SERINC3: variants seen among roughly 807,000 people sequenced by gnomAD.
SERINC3 encodes tumor differentially expressed protein 1.
Under a neutral mutation model 52.1 loss-of-function variants are expected in SERINC3, and 22 were observed. That is an observed-to-expected ratio of 0.42 (90% CI 0.30 to 0.60). SERINC3 has a LOEUF of 0.60. SERINC3 is among the 20% of genes least tolerant of loss of function. The probability of loss-of-function intolerance (pLI) is 0.16; values close to 1 mark genes in which losing one functional copy is unlikely to be tolerated. For synonymous variants in SERINC3, 226 were observed against 212.7 expected (o/e 1.06, Z -0.54); for missense variants, 564 against 584.6 (o/e 0.96, Z 0.36).
In SERINC3 at chr20:44,501,218, T is replaced by C; in HGVS notation, c.1138A>G (p.Ser380Gly). 1 of 1,614,152 alleles carries C rather than the reference T, an allele frequency of 6.2e-7. No homozygotes were observed. Among genetic ancestry groups the C allele is most frequent in the African/African-American group, 1.3e-5 (1 of 75,038 alleles). The change falls in exon 9 of 10, where the codon AGT becomes GGT. Residue 380 changes from serine (S) to glycine (G), a missense_variant. By Grantham distance (56) the Ser-to-Gly change is moderately conservative. Transcript: ENST00000342374. ...CCATCTTCTTCATCACTGGCACCAC[T>C]GGTAGTTGTATCACCAAGGATGACG... Reference protein sequence around the residue: ...DSVILGDTTTSGASDEEDGQP... With the variant: ...DSVILGDTTTGGASDEEDGQP...
rs1458326200 is a variant in SERINC3, at chr20:44,515,781, G to GAA, written c.40-1742_40-1741insTT. On this transcript the variant is annotated intron_variant, in intron 1 of 9. Transcript: ENST00000342374. ...TTCTTGTGCTTTAGCCTCCCAAGTA[G>GAA]CTGGGACTACAGGTGTGCAATGCCA... 5.6e-3 allele frequency among the ~76,000 whole-genome samples: 849 copies of GAA among 151,814 alleles called. 6 individuals carry two copies. Among genetic ancestry groups the GAA allele is most frequent in the African/African-American group, 0.02 (825 of 41,388 alleles).
rs1293844999 is a variant in SERINC3 at position 44,506,948 on chromosome 20, A to G, written c.662T>C (p.Val221Ala). The change falls in exon 6 of 10, where the codon GTC becomes GCC. Residue 221 changes from valine (V) to alanine (A), a missense_variant. Val to Ala is a moderately conservative substitution (Grantham distance 64). Coordinates refer to ENST00000342374, the MANE Select transcript of SERINC3 (RefSeq NM_006811.4). ...GGTGTAATATGTATAGAGCAGCCCG[A>G]CACAGATGATTGACAGGATATAAAA... ...SAFYILSIIC[V>A]GLLYTYYTKP... 6.2e-7 allele frequency: 1 copy of G among 1,609,902 alleles called. No individual in the cohort carries two copies. The highest frequency in any genetic ancestry group is 8.5e-7 in the Non-Finnish European group (1 of 1,178,780).
At position 44,503,892 on chromosome 20, in the gene SERINC3, T is replaced by C. The variant is rs144405312; in HGVS notation, c.978A>G (p.Pro326=). ...AATCCAGTAAAGACCCACTCTTTGA[T>C]GGTGGAGTAGGGGTAGGGACCACAG... The part of the protein sequence containing the change: ...STAVVPTPTP[P]SKSGSLLDSD... The change falls in exon 8 of 10, where the codon CCA becomes CCG. Residue 326 remains proline, a synonymous_variant. Coordinates refer to ENST00000342374, the MANE Select transcript of SERINC3 (RefSeq NM_006811.4). 13 of 1,603,840 alleles carry C rather than the reference T, an allele frequency of 8.1e-6. No individual in the cohort carries two copies. In the African/African-American group the frequency reaches 1.6e-4, roughly 20 times the overall value.
intron 7 of SERINC3, 38 bp from the exon 8 acceptor site, chr20:44,504,033 C>G (rs2064296412): frequency 2.6e-6 from 4 of 1,527,522 alleles, no homozygotes; most frequent in Non-Finnish European, 3.5e-6. Flanking sequence ...TTGGTTACAG[C>G]TCATCTTGTT....
intron 1 of SERINC3, among the ~76,000 whole-genome samples, chr20:44,517,876 T>G (rs1018123978): frequency 1.1e-4 from 16 of 152,242 alleles, no homozygotes; most frequent in African/African-American, 3.9e-4. Context: ...AGTAAATATC[T>G]GTGGGACAAA....
At chr20:44,509,117 C>G (rs1290410076) in intron 5 of SERINC3, among the ~76,000 whole-genome samples, 1 of 152,136 alleles carries the variant, frequency 6.6e-6, no homozygotes, top group Non-Finnish European at 1.5e-5. Context: ...GTAGTAAGTG[C>G]TCTAACATAG....
chr20:44,518,933 C>T (rs2064398158), intron 1 of SERINC3, among the ~76,000 whole-genome samples: 1 of 150,610 alleles, frequency 6.6e-6, no homozygotes, highest in Non-Finnish European at 1.5e-5. Flanking sequence ...CATTGCACTC[C>T]AGCCTGGGCA....
At position 44,521,977 on chromosome 20, in the gene SERINC3, G is replaced by C; in HGVS notation, c.-26C>G. The C allele has an allele frequency of 1.2e-6, 2 of 1,602,836 alleles. No individual in the cohort carries two copies. Among genetic ancestry groups the C allele is most frequent in the Middle Eastern group, 1.7e-4 (1 of 6,048 alleles). On this transcript the variant is annotated 5_prime_UTR_variant, in exon 1 of 10. Coordinates refer to ENST00000342374, the MANE Select transcript of SERINC3 (RefSeq NM_006811.4). ...GGTGACGCCAGTGATGGAGGTGGCC[G>C]GTCCTGAGGCTGCTTTCTAACACGG...
intron 1 of SERINC3, among the ~76,000 whole-genome samples, chr20:44,521,249 G>A (rs1398997465): frequency 6.6e-6 from 1 of 152,194 alleles, no homozygotes; most frequent in East Asian, 1.9e-4. Flanking sequence ...TCTTTTATAG[G>A]CCCTATAATT....
chr20:44,497,521 T>C lies in SERINC3; in HGVS notation c.*2775A>G, dbSNP rs2064254916. The C allele has an allele frequency of 1.3e-5, 2 of 152,350 alleles. No homozygotes were observed. The highest frequency in any genetic ancestry group is 4.8e-5 in the African/African-American group (2 of 41,566). The allele number at this position is 152,350 out of a possible 1,614,324, so 9.4% of individuals were successfully genotyped here. A position where few individuals can be genotyped will look rare whatever the true frequency, so the allele number is the denominator to read the frequency against. On this transcript the variant is annotated 3_prime_UTR_variant, in exon 10 of 10. Transcript: ENST00000342374. ...AGTATTGTTTGTATTTTGAATTACA[T>C]TAAGGCGGAGGATGGGGCACTGTAA...
intron 6 of SERINC3, among the ~76,000 whole-genome samples, chr20:44,506,028 C>T (rs572258865): frequency 6.6e-6 from 1 of 152,102 alleles, no homozygotes; most frequent in African/African-American, 2.4e-5. Context: ...CAGCCACATG[C>T]GGTGGCTCAC....
At chr20:44,517,413 T>C (rs1398022842) in intron 1 of SERINC3, among the ~76,000 whole-genome samples, 1 of 152,178 alleles carries the variant, frequency 6.6e-6, no homozygotes, top group Non-Finnish European at 1.5e-5. Flanking sequence ...ACTGCAGATG[T>C]AGTAAGTTAA....
rs2064254986 is a variant in SERINC3 at position 44,497,530 on chromosome 20, A to T, written c.*2766T>A. 1 of 152,256 alleles carries T rather than the reference A, an allele frequency of 6.6e-6. No individual in the cohort carries two copies. Among genetic ancestry groups the T allele is most frequent in the Non-Finnish European group, 1.5e-5 (1 of 68,034 alleles). The allele number at this position is 152,256 out of a possible 1,614,324, so 9.4% of individuals were successfully genotyped here. A position where few individuals can be genotyped will look rare whatever the true frequency, so the allele number is the denominator to read the frequency against. ...TGTATTTTGAATTACATTAAGGCGG[A>T]GGATGGGGCACTGTAATGTTTTTGA... On this transcript the variant is annotated 3_prime_UTR_variant, in exon 10 of 10. Transcript: ENST00000342374.
chr20:44,500,929 C>T, intron 9 of SERINC3, 144 bp downstream of exon 9: 1 of 632,406 alleles, frequency 1.6e-6, no homozygotes, highest in Non-Finnish European at 2.8e-6. Context: ...GTTTTAAATG[C>T]TAGAGGGGAT....
At chr20:44,515,245 T>A in intron 1 of SERINC3, among the ~76,000 whole-genome samples, 1 of 152,088 alleles carries the variant, frequency 6.6e-6, no homozygotes. Context: ...CCCCAACTAC[T>A]CAGGAGGCTG....
intron 1 of SERINC3, among the ~76,000 whole-genome samples, chr20:44,521,572 G>C (rs1202479675): frequency 1.3e-5 from 2 of 152,222 alleles, no homozygotes; most frequent in Non-Finnish European, 2.9e-5. Flanking sequence ...ACCTTAAGAG[G>C]TGCTTCGGGA....
At chr20:44,511,836 T>A (rs1273627571) in intron 3 of SERINC3, among the ~76,000 whole-genome samples, 1 of 152,244 alleles carries the variant, frequency 6.6e-6, no homozygotes, top group Non-Finnish European at 1.5e-5. Flanking sequence ...CTGCCTTGTA[T>A]GGCAGAGTGG....
In SERINC3 at chr20:44,497,739, C is replaced by G. The variant is rs914103782; in HGVS notation, c.*2557G>C. ...ATGATTCCAATAATTTATATCAAGT[C>G]CTGCTTCCCTACCCCACACCTCCAC... On this transcript the variant is annotated 3_prime_UTR_variant, in exon 10 of 10. Coordinates refer to ENST00000342374, the MANE Select transcript of SERINC3 (RefSeq NM_006811.4). The G allele has an allele frequency of 1.3e-5, 2 of 152,198 alleles. No individual in the cohort carries two copies. Among genetic ancestry groups the G allele is most frequent in the African/African-American group, 4.8e-5 (2 of 41,436 alleles). 9.4% of individuals were successfully genotyped at this position (152,198 alleles called of 1,614,324 possible). A position where few individuals can be genotyped will look rare whatever the true frequency, so the allele number is the denominator to read the frequency against.
rs772464297 is a variant in SERINC3 at position 44,521,996 on chromosome 20, AAC to A, written c.-47_-46del. 1.2e-5 allele frequency: 19 copies of A among 1,577,838 alleles called. No homozygotes were observed. The South Asian group carries it at 2.2e-4, about 18-fold the overall frequency. On this transcript the variant is annotated 5_prime_UTR_variant, in exon 1 of 10. It removes the in-frame stop codon of an upstream open reading frame in the 5' UTR. Coordinates refer to ENST00000342374, the MANE Select transcript of SERINC3 (RefSeq NM_006811.4). Reference sequence around the variant, plus strand: ...GTGGCCGGTCCTGAGGCTGCTTTCTAACACGGTGGTAACTGCCAGCTGAGGTG... The same window carrying A: ...GTGGCCGGTCCTGAGGCTGCTTTCTAACGGTGGTAACTGCCAGCTGAGGTG...
Sources: gnomAD v4.1 joint callset for allele counts (sites outside exome capture counted in the v4.1 genomes callset) on GRCh38, gnomAD v4.1.1 for gene constraint, MANE v1.5 for transcripts, NCBI Gene and HGNC (gene_info 2026-07-23, HGNC 2026-07-21) for gene names.